Variants in ZCCHC10 observed in about 807,000 individuals in gnomAD.
The protein encoded by ZCCHC10 is zinc finger CCHC domain-containing protein 10.
In ZCCHC10, 16 loss-of-function variants were observed where a neutral mutation model predicts 19.5. That is an observed-to-expected ratio of 0.82 (90% CI 0.56 to 1.25). ZCCHC10 has a LOEUF of 1.25. Among genes scored for constraint, ZCCHC10 ranks in the 50% most tolerant of loss-of-function variants. The pLI is 0.00. For synonymous variants in ZCCHC10, 67 were observed against 72.5 expected, an observed-to-expected ratio of 0.92 and a Z score of 0.38; for missense variants, 197 against 201.0, an observed-to-expected ratio of 0.98 and a Z score of 0.12.
At chr5:133,020,353 A>C (rs2126645379) in intron 2 of ZCCHC10, among the ~76,000 whole-genome samples, 1 of 152,276 alleles carries the variant, frequency 6.6e-6, no homozygotes, top group South Asian at 2.1e-4. Flanking sequence ...CTGAGGCATG[A>C]GAATCACTTG....
At chr5:133,003,898 C>G (rs964671590) in intron 3 of ZCCHC10, among the ~76,000 whole-genome samples, 1 of 151,956 alleles carries the variant, frequency 6.6e-6, no homozygotes, top group Non-Finnish European at 1.5e-5. Flanking sequence ...TTAGTAGAGA[C>G]AGGGTTTTGC....
chr5:133,006,590 T>G (rs1219713538), intron 3 of ZCCHC10, among the ~76,000 whole-genome samples, 169 bp downstream of exon 3: 1 of 147,598 alleles, frequency 6.8e-6, no homozygotes, highest in Non-Finnish European at 1.5e-5. Flanking sequence ...TTAAATAAGC[T>G]AATACTTATA....
intron 2 of ZCCHC10, among the ~76,000 whole-genome samples, chr5:133,007,416 G>A (rs11242130): frequency 0.012 from 1,844 of 152,076 alleles, 38 homozygotes; most frequent in African/African-American, 0.043. Context: ...GGTGGTGGGC[G>A]CCTGTAGTCC....
intron 3 of ZCCHC10, chr5:133,003,339 T>C (rs919706180): frequency 2.5e-6 from 1 of 394,570 alleles, no homozygotes; most frequent in South Asian, 2.0e-5. Context: ...TTACAGCAAA[T>C]TGAAGAAAGA....
chr5:133,017,554 A>T (rs1184855522), intron 2 of ZCCHC10, among the ~76,000 whole-genome samples: 4 of 151,936 alleles, frequency 2.6e-5, no homozygotes, highest in African/African-American at 9.7e-5. Context: ...AGTTTTTGTA[A>T]AGATAGGGTC....
chr5:133,022,398 G>T (rs1414649434), intron 2 of ZCCHC10, among the ~76,000 whole-genome samples: 1 of 151,680 alleles, frequency 6.6e-6, no homozygotes, highest in Non-Finnish European at 1.5e-5. Context: ...TCTGTTATGT[G>T]GTGCATGACA....
intron 2 of ZCCHC10, among the ~76,000 whole-genome samples, chr5:133,021,384 C>G (rs1230872793): frequency 6.6e-6 from 1 of 152,094 alleles, no homozygotes; most frequent in Admixed American, 6.6e-5. Flanking sequence ...ACAAATCTGA[C>G]AAAAGATGTG....
intron 2 of ZCCHC10, among the ~76,000 whole-genome samples, chr5:133,017,941 C>T (rs1372358585): frequency 3.3e-5 from 5 of 152,012 alleles, no homozygotes; most frequent in South Asian, 2.1e-4. Flanking sequence ...GCCAGGAGTT[C>T]GAGACTAGCC....
intron 2 of ZCCHC10, among the ~76,000 whole-genome samples, chr5:133,010,237 C>A (rs993869112): frequency 2.6e-5 from 4 of 151,794 alleles, no homozygotes; most frequent in Admixed American, 1.3e-4. Context: ...TTAGTAGAGA[C>A]GGGGTTTCAC....
chr5:133,025,106 A>G (rs944028090), intron 1 of ZCCHC10, among the ~76,000 whole-genome samples: 1 of 152,176 alleles, frequency 6.6e-6, no homozygotes, highest in Non-Finnish European at 1.5e-5. Flanking sequence ...ATATACTAGC[A>G]GACTCTGAGC....
intron 2 of ZCCHC10, among the ~76,000 whole-genome samples, chr5:133,013,946 A>C (rs940271222): frequency 1.3e-5 from 2 of 152,118 alleles, no homozygotes; most frequent in Non-Finnish European, 1.5e-5. Flanking sequence ...TTTATGTATT[A>C]TAGCTTTTAA....
At chr5:133,022,486 G>A (rs1054714264) in intron 2 of ZCCHC10, among the ~76,000 whole-genome samples, 1 of 150,020 alleles carries the variant, frequency 6.7e-6, no homozygotes, top group African/African-American at 2.5e-5. Context: ...ACAGACTCTC[G>A]GTCTGTCGCC....
At chr5:133,021,190 C>T (rs868833353) in intron 2 of ZCCHC10, among the ~76,000 whole-genome samples, 8 of 152,086 alleles carry the variant, frequency 5.3e-5, no homozygotes, top group East Asian at 3.9e-4. Context: ...CCACCGCGCA[C>T]GGCCTAATTT....
intron 2 of ZCCHC10, among the ~76,000 whole-genome samples, chr5:133,009,613 C>CAAAAAAAAAAAAAAA (rs59555378): frequency 5.4e-5 from 3 of 55,540 alleles, no homozygotes; most frequent in Non-Finnish European, 7.2e-5. Context: ...GACTCCGTCT[C>CAAAAAAAAAAAAAAA]AAAAAAAAAA....
intron 2 of ZCCHC10, among the ~76,000 whole-genome samples, chr5:133,013,450 G>A (rs1763707616): frequency 1.3e-5 from 2 of 152,106 alleles, no homozygotes; most frequent in African/African-American, 2.4e-5. Flanking sequence ...GAGGCCAGGC[G>A]TGGTGGCTCA....
chr5:133,018,949 C>A, intron 2 of ZCCHC10: 1 of 348,218 alleles, frequency 2.9e-6, no homozygotes. Flanking sequence ...GGTCCATAGT[C>A]TTCTTTTCCA....
At chr5:133,014,290 G>C (rs773286786) in intron 2 of ZCCHC10, among the ~76,000 whole-genome samples, 5 of 151,472 alleles carry the variant, frequency 3.3e-5, no homozygotes, top group Non-Finnish European at 7.4e-5. Context: ...CTCCCCAGTA[G>C]CTGGGATTAC....
chr5:133,008,236 A>G (rs1303865555), intron 2 of ZCCHC10, among the ~76,000 whole-genome samples: 2 of 145,952 alleles, frequency 1.4e-5, no homozygotes, highest in East Asian at 2.1e-4. Flanking sequence ...AAAAAAAAAA[A>G]AAAAAAAGAA....
At chr5:133,023,063 TAAGA>T (rs1200498602) in intron 1 of ZCCHC10, among the ~76,000 whole-genome samples, 157 bp from the exon 2 acceptor site, 2 of 151,866 alleles carry the variant, frequency 1.3e-5, no homozygotes, top group African/African-American at 2.4e-5. Context: ...AACAAGGGAG[TAAGA>T]AAGAAATGGG....
Sources: allele counts gnomAD v4.1 joint callset (sites outside exome capture counted in the v4.1 genomes callset), GRCh38; gene constraint gnomAD v4.1.1; transcripts MANE v1.5; gene names NCBI Gene and HGNC (gene_info 2026-07-23, HGNC 2026-07-21).